SLC25A48: variants seen among roughly 807,000 people sequenced by gnomAD.
SLC25A48 encodes the protein solute carrier family 25 member 48, also known as CTC-321K16.1.
SLC25A48 carries 29 observed loss-of-function variants against 32.2 expected under a neutral mutation model. The ratio of observed to expected loss-of-function variants is 0.90; its 90% CI spans 0.67 to 1.23. The LOEUF (loss-of-function observed/expected upper bound fraction) is 1.23. Among genes scored for constraint, SLC25A48 ranks in the 50% most tolerant of loss-of-function variants. SLC25A48 has a pLI of 0.00. For missense variants in SLC25A48, 399 were observed against 422.7 expected (o/e 0.94, Z 0.49); for synonymous variants, 164 against 172.3 (o/e 0.95, Z 0.38).
chr5:135,620,862 A>G (rs1015491697), intron 1 of SLC25A48, among the ~76,000 whole-genome samples: 2 of 152,042 alleles, frequency 1.3e-5, no homozygotes, highest in African/African-American at 4.8e-5. Context: ...CATGGCTAGG[A>G]TTGTAGATGT....
At chr5:135,886,487 G>C (rs1197370959) in intron 7 of SLC25A48, among the ~76,000 whole-genome samples, 1 of 150,612 alleles carries the variant, frequency 6.6e-6, no homozygotes, top group African/African-American at 2.4e-5. Flanking sequence ...CAATGGATCT[G>C]CTTCCTCTTA....
chr5:135,661,841 C>T (rs189838829), intron 3 of SLC25A48, among the ~76,000 whole-genome samples: 40 of 152,320 alleles, frequency 2.6e-4, no homozygotes, highest in African/African-American at 9.4e-4. Context: ...TTAACAGCTA[C>T]ACCCTACAGT....
chr5:135,765,298 AG>A (rs1231061554), intron 3 of SLC25A48, among the ~76,000 whole-genome samples: 1 of 150,458 alleles, frequency 6.6e-6, no homozygotes, highest in Non-Finnish European at 1.5e-5. Context: ...CAGGGGTAAG[AG>A]GGTAATGTTA....
intron 4 of SLC25A48, among the ~76,000 whole-genome samples, chr5:135,814,354 C>T (rs1757664392): frequency 1.3e-5 from 2 of 152,208 alleles, no homozygotes; most frequent in Admixed American, 1.3e-4. Flanking sequence ...CCAGCCTTTG[C>T]TAACCTCTGC....
At chr5:135,681,362 C>T (rs1389762565) in intron 3 of SLC25A48, among the ~76,000 whole-genome samples, 1 of 152,166 alleles carries the variant, frequency 6.6e-6, no homozygotes, top group Non-Finnish European at 1.5e-5. Flanking sequence ...TAACTTCATC[C>T]AATGTATTTT....
intron 1 of SLC25A48, among the ~76,000 whole-genome samples, chr5:135,624,887 C>T (rs1752410371): frequency 6.6e-6 from 1 of 152,146 alleles, no homozygotes; most frequent in African/African-American, 2.4e-5. Flanking sequence ...AATCTGGTGA[C>T]AAAGCATTGC....
intron 7 of SLC25A48, 55 bp from the exon 8 acceptor site, chr5:135,887,977 G>T: frequency 3.3e-6 from 5 of 1,522,888 alleles, no homozygotes; most frequent in South Asian, 1.2e-5. Flanking sequence ...GATTTTTCTG[G>T]TTTCTGTTCT....
chr5:135,634,239 G>A (rs544933996), intron 2 of SLC25A48, among the ~76,000 whole-genome samples: 67 of 152,348 alleles, frequency 4.4e-4, no homozygotes, highest in African/African-American at 1.6e-3. Context: ...TCTGTTAACG[G>A]CCAAGGAGAC....
At chr5:135,600,405 G>A (rs1751767052) in intron 1 of SLC25A48, among the ~76,000 whole-genome samples, 1 of 152,150 alleles carries the variant, frequency 6.6e-6, no homozygotes, top group South Asian at 2.1e-4. Flanking sequence ...TTGAGGGGGT[G>A]TACCCTGGGA....
At chr5:135,633,709 A>G (rs375741329) in intron 2 of SLC25A48, among the ~76,000 whole-genome samples, 21 of 152,024 alleles carry the variant, frequency 1.4e-4, no homozygotes, top group African/African-American at 4.3e-4. Context: ...AAACAAGTCC[A>G]CTCTCAGGGT....
At position 135,783,854 on chromosome 5, in the gene SLC25A48, A is replaced by G. The variant is rs1459798922; in HGVS notation, c.-520-28669A>G. Among the ~76,000 whole-genome samples the G allele has an allele frequency of 2.5e-5, 3 of 118,652 alleles. 1 individual carries two copies. In the East Asian group the frequency reaches 6.4e-4, roughly 25 times the overall value. The allele number at this position is 118,652 out of a possible 152,430, so 77.8% of individuals were successfully genotyped here. A position where few individuals can be genotyped will look rare whatever the true frequency, so the allele number is the denominator to read the frequency against. On this transcript the variant is annotated intron_variant, in intron 3 of 10. Transcript: ENST00000646290. ...AATTCCAATATCGCTGGGAGCGAAC[A>G]CTTTCCCTGTAATATTCTTCTTGGT... is the stretch of plus-strand genomic sequence containing the variant.
chr5:135,738,703 G>A (rs964233586), intron 3 of SLC25A48, among the ~76,000 whole-genome samples: 3 of 152,310 alleles, frequency 2.0e-5, no homozygotes, highest in Admixed American at 6.5e-5. Context: ...AGCCCCACAG[G>A]AGGGCCTCGC....
intron 1 of SLC25A48, among the ~76,000 whole-genome samples, chr5:135,607,476 A>G (rs1044201507): frequency 1.3e-5 from 2 of 152,244 alleles, no homozygotes; most frequent in African/African-American, 2.4e-5. Context: ...GAGGTGAGGT[A>G]TAACAGCGAG....
chr5:135,762,458 A>G (rs1756085984), intron 3 of SLC25A48, among the ~76,000 whole-genome samples: 1 of 152,214 alleles, frequency 6.6e-6, no homozygotes, highest in Non-Finnish European at 1.5e-5. Context: ...ACGCTAATGT[A>G]TTACTAATTC....
At chr5:135,708,641 C>T (rs977513306) in intron 3 of SLC25A48, among the ~76,000 whole-genome samples, 8 of 152,274 alleles carry the variant, frequency 5.3e-5, no homozygotes, top group South Asian at 4.2e-4. Context: ...CAGCTGGGTT[C>T]GAGTCTACAA....
intron 1 of SLC25A48, among the ~76,000 whole-genome samples, chr5:135,616,656 G>A (rs916933497): frequency 6.6e-6 from 1 of 152,168 alleles, no homozygotes; most frequent in African/African-American, 2.4e-5. Context: ...TCTCAGATGA[G>A]ACTTTGGACT....
At chr5:135,833,850 C>T (rs1005312216), upstream of SLC25A48, among the ~76,000 whole-genome samples, 1 of 152,150 alleles carries the variant, frequency 6.6e-6, no homozygotes, top group East Asian at 1.9e-4. Context: ...GGCTGGCTGT[C>T]GCTTCATATT....
chr5:135,666,273 T>G (rs1317591626), intron 3 of SLC25A48, among the ~76,000 whole-genome samples: 3 of 152,224 alleles, frequency 2.0e-5, no homozygotes, highest in African/African-American at 7.2e-5. Context: ...TGTATTTAAG[T>G]GCACTGAACC....
At chr5:135,764,709 G>C (rs548670033) in intron 3 of SLC25A48, among the ~76,000 whole-genome samples, 9 of 147,598 alleles carry the variant, frequency 6.1e-5, no homozygotes, top group Non-Finnish European at 1.2e-4. Flanking sequence ...TAATATCTGG[G>C]GGGGAGAGTG....
Sources: gnomAD v4.1 joint callset for allele counts (sites outside exome capture counted in the v4.1 genomes callset) on GRCh38, gnomAD v4.1.1 for gene constraint, MANE v1.5 for transcripts, NCBI Gene and HGNC (gene_info 2026-07-23, HGNC 2026-07-21) for gene names.